The following ASXL1 variants were observed in gnomAD, a reference collection of about 807,000 sequenced individuals.
The protein encoded by ASXL1 is ASXL transcriptional regulator 1.
Under a neutral mutation model 89.1 loss-of-function variants are expected in ASXL1, and 65 were observed. That is an observed-to-expected ratio of 0.73 (90% confidence interval 0.60 to 0.90). ASXL1 has a LOEUF of 0.90. Among genes scored for constraint, ASXL1 ranks in the 40% least tolerant of loss-of-function variants. The pLI, the probability that ASXL1 is intolerant of heterozygous loss-of-function variation, is 0.00. For missense variants in ASXL1, 1,786 were observed against 1,942.9 expected, an observed-to-expected ratio of 0.92 and a Z score of 1.52; for synonymous variants, 739 against 746.9, an observed-to-expected ratio of 0.99 and a Z score of 0.17.
intron 4 of ASXL1, among the ~76,000 whole-genome samples, chr20:32,411,902 G>A (rs1569296988): frequency 1.3e-5 from 2 of 152,098 alleles, no homozygotes; most frequent in Non-Finnish European, 2.9e-5. Flanking sequence ...TGTACAAATT[G>A]TCGCTGATTT....
At chr20:32,412,310 A>G (rs1307334982) in intron 4 of ASXL1, among the ~76,000 whole-genome samples, 1 of 152,242 alleles carries the variant, frequency 6.6e-6, no homozygotes, top group African/African-American at 2.4e-5. Flanking sequence ...TAGTATAAAC[A>G]CTTAGTAGTT....
intron 2 of ASXL1, among the ~76,000 whole-genome samples, chr20:32,366,870 C>T (rs6057565): frequency 3.9e-5 from 6 of 152,194 alleles, no homozygotes; most frequent in African/African-American, 1.4e-4. Flanking sequence ...ACAGTGGTCT[C>T]ATCAACATAA....
intron 4 of ASXL1, among the ~76,000 whole-genome samples, chr20:32,379,945 T>C (rs919313061): frequency 1.3e-5 from 2 of 150,546 alleles, no homozygotes; most frequent in East Asian, 1.9e-4. Context: ...TTGAACCCTT[T>C]TCCTGTTTAG....
chr20:32,370,564 C>T (rs1195701248), intron 4 of ASXL1, among the ~76,000 whole-genome samples: 1 of 152,030 alleles, frequency 6.6e-6, no homozygotes, highest in Non-Finnish European at 1.5e-5. Flanking sequence ...TGATGCTGAC[C>T]CTTTCGTTCT....
intron 4 of ASXL1, among the ~76,000 whole-genome samples, chr20:32,417,564 A>G (rs931969865): frequency 6.6e-6 from 1 of 152,164 alleles, no homozygotes; most frequent in African/African-American, 2.4e-5. Context: ...TTTCTCAAGC[A>G]TGTATGGAGA....
chr20:32,375,397 C>T (rs896370058), intron 4 of ASXL1, among the ~76,000 whole-genome samples: 2 of 150,760 alleles, frequency 1.3e-5, no homozygotes, highest in African/African-American at 4.9e-5. Flanking sequence ...TGCAGTGAGC[C>T]GAGATGGCAC....
intron 4 of ASXL1, among the ~76,000 whole-genome samples, chr20:32,412,782 C>T (rs2049073044): frequency 6.6e-6 from 1 of 151,250 alleles, no homozygotes. Context: ...TTATCTTGAA[C>T]TCCTGGGCTC....
intron 4 of ASXL1, among the ~76,000 whole-genome samples, chr20:32,401,874 A>G (rs1165270932): frequency 1.3e-5 from 2 of 152,070 alleles, no homozygotes; most frequent in African/African-American, 4.8e-5. Context: ...ATATACGCCT[A>G]TGATGAAATT....
chr20:32,435,651 T>A lies in ASXL1; in HGVS notation c.2939T>A (p.Ile980Asn), dbSNP rs775628738. The change falls in exon 13 of 13, where the codon ATT becomes AAT. Residue 980 changes from isoleucine to asparagine, a missense_variant. Physicochemically the swap from Ile to Asn is moderately radical, Grantham distance 149. Transcript: ENST00000375687. ...GGCAGTTACTGTCAACAGGTGGACA[T>A]TGAAAAGCTGAAAATCAACGGAGAC... ...SNGSYCQQVDIEKLKINGDSE... is the reference protein window; with the variant it reads ...SNGSYCQQVDNEKLKINGDSE... 2 of 1,614,096 alleles carry A rather than the reference T, an allele frequency of 1.2e-6. No individual in the cohort carries two copies. Among genetic ancestry groups the A allele is most frequent in the East Asian group, 2.2e-5 (1 of 44,880 alleles).
intron 4 of ASXL1, among the ~76,000 whole-genome samples, chr20:32,374,664 T>G (rs946682750): frequency 1.3e-5 from 2 of 152,036 alleles, no homozygotes. Context: ...TACTAACTAG[T>G]CTCTTGTTAT....
chr20:32,422,182 A>G, intron 4 of ASXL1, among the ~76,000 whole-genome samples: 1 of 150,516 alleles, frequency 6.6e-6, no homozygotes. Context: ...CCCGGCCGAG[A>G]GGGGTGGTTT....
intron 4 of ASXL1, among the ~76,000 whole-genome samples, chr20:32,405,695 T>C (rs1471169771): frequency 3.9e-5 from 6 of 152,182 alleles, no homozygotes; most frequent in Non-Finnish European, 8.8e-5. Context: ...ACCAGTTATT[T>C]TGTGGAATCT....
chr20:32,376,028 G>A (rs1233917893), intron 4 of ASXL1, among the ~76,000 whole-genome samples: 7 of 151,926 alleles, frequency 4.6e-5, no homozygotes, highest in Non-Finnish European at 1.0e-4. Flanking sequence ...AGAAATCTTC[G>A]TTATTTCCGG....
At chr20:32,431,079 G>A (rs889392419) in intron 8 of ASXL1, 7 of 669,666 alleles carry the variant, frequency 1.0e-5, no homozygotes, top group Admixed American at 4.1e-5. Flanking sequence ...TTTTCAGGCT[G>A]TGACACAGCA....
intron 4 of ASXL1, among the ~76,000 whole-genome samples, chr20:32,374,488 G>T (rs1347406845): frequency 1.3e-5 from 2 of 151,834 alleles, no homozygotes; most frequent in East Asian, 1.9e-4. Context: ...GATGGAGGGG[G>T]TCTCATTTTG....
chr20:32,423,139 T>C (rs1319461632), intron 4 of ASXL1, among the ~76,000 whole-genome samples: 1 of 152,182 alleles, frequency 6.6e-6, no homozygotes, highest in Admixed American at 6.5e-5. Context: ...CAGAATTGGC[T>C]GGATGTGGCT....
rs1289320928 is a variant in ASXL1 at position 32,426,545 on chromosome 20, TTTTTCTTTC to T, written c.253-1578_253-1570del. ...AAAGATGTAGAAAACTGTTTTCTTT[TTTTTCTTTC>T]TTTTTTTTTTTTTTTTTTTTTTTTG... is the stretch of plus-strand genomic sequence containing the variant. On this transcript the variant is annotated intron_variant, in intron 4 of 12. Coordinates refer to ENST00000375687, the MANE Select transcript of ASXL1 (RefSeq NM_015338.6). 5.9e-4 allele frequency among the ~76,000 whole-genome samples: 58 copies of T among 98,990 alleles called. 6 individuals are homozygous for T. Among genetic ancestry groups the T allele is most frequent in the East Asian group, 4.5e-3 (9 of 2,018 alleles). 64.9% of individuals were successfully genotyped at this position (98,990 alleles called of 152,430 possible).
chr20:32,413,156 CT>C (rs138271295), intron 4 of ASXL1, among the ~76,000 whole-genome samples: 3,227 of 152,216 alleles, frequency 0.021, 111 homozygotes, highest in African/African-American at 0.074. Context: ...GCAAAATACT[CT>C]CTGAGGCACG....
chr20:32,421,954 C>A (rs1300236327), intron 4 of ASXL1, among the ~76,000 whole-genome samples: 2 of 149,018 alleles, frequency 1.3e-5, no homozygotes, highest in African/African-American at 4.9e-5. Flanking sequence ...CTGCAAGCTC[C>A]GCCTCCCGGG....
Sources: gnomAD v4.1 joint callset for allele counts (sites outside exome capture counted in the v4.1 genomes callset) on GRCh38, gnomAD v4.1.1 for gene constraint, MANE v1.5 for transcripts, NCBI Gene and HGNC (gene_info 2026-07-23, HGNC 2026-07-21) for gene names.